Variants in E2F5 observed in about 807,000 individuals in gnomAD.
E2F5 encodes the protein E2F transcription factor 5.
E2F5 carries 23 observed loss-of-function variants against 39.1 expected under a neutral mutation model. The observed-to-expected ratio is 0.59, with a 90% CI of 0.42 to 0.83. E2F5 has a LOEUF of 0.83. Among genes scored for constraint, E2F5 ranks in the 40% least tolerant of loss-of-function variants. E2F5 has a pLI of 0.00. For missense variants in E2F5, 365 were observed against 406.7 expected, an observed-to-expected ratio of 0.90 and a Z score of 0.88; for synonymous variants, 145 against 157.8, an observed-to-expected ratio of 0.92 and a Z score of 0.61.
At chr8:85,178,816 G>A (rs1812142177) in intron 1 of E2F5, among the ~76,000 whole-genome samples, 1 of 152,190 alleles carries the variant, frequency 6.6e-6, no homozygotes, top group Non-Finnish European at 1.5e-5. Flanking sequence ...TAGCCCAAGG[G>A]GAAGTAGATC....
intron 3 of E2F5, among the ~76,000 whole-genome samples, chr8:85,204,381 G>A (rs1812757440): frequency 6.6e-6 from 1 of 150,934 alleles, no homozygotes. Context: ...ATGGGCTCAT[G>A]TCCTTTTTAG....
intron 3 of E2F5, among the ~76,000 whole-genome samples, chr8:85,205,647 C>T (rs1812788547): frequency 6.6e-6 from 1 of 152,184 alleles, no homozygotes. Flanking sequence ...TCCCCTTGCT[C>T]CTGTCTTCTG....
intron 1 of E2F5, among the ~76,000 whole-genome samples, chr8:85,190,150 G>A (rs536758508): frequency 2.9e-4 from 44 of 152,114 alleles, no homozygotes; most frequent in Non-Finnish European, 5.6e-4. Context: ...CTCACTGACT[G>A]TCTTTCAGCA....
At chr8:85,198,778 G>A (rs561907564) in intron 1 of E2F5, among the ~76,000 whole-genome samples, 2 of 152,156 alleles carry the variant, frequency 1.3e-5, no homozygotes. Flanking sequence ...TCCATCTTGT[G>A]GTATAAACTG....
chr8:85,206,041 C>CT, intron 3 of E2F5, 136 bp from the exon 4 acceptor site: 2 of 763,358 alleles, frequency 2.6e-6, no homozygotes, highest in African/African-American at 1.8e-5. Flanking sequence ...GACTAGACTT[C>CT]TTTTTTTGTC....
intron 1 of E2F5, among the ~76,000 whole-genome samples, chr8:85,180,525 T>C (rs1443902086): frequency 1.3e-3 from 13 of 9,782 alleles, no homozygotes; most frequent in Non-Finnish European, 3.0e-3. Context: ...TATATATATA[T>C]ATATATATAT....
chr8:85,181,711 G>C (rs1055898123), intron 1 of E2F5, among the ~76,000 whole-genome samples: 6 of 150,064 alleles, frequency 4.0e-5, no homozygotes, highest in African/African-American at 1.5e-4. Flanking sequence ...TGTAATCCCA[G>C]CACTTTGAGA....
At chr8:85,208,142 AAC>A (rs1452623486) in intron 5 of E2F5, among the ~76,000 whole-genome samples, 5 of 152,188 alleles carry the variant, frequency 3.3e-5, no homozygotes, top group Non-Finnish European at 7.4e-5. Context: ...CAGCCTGACC[AAC>A]ATGGTGAAAC....
At position 85,214,165 on chromosome 8, in the gene E2F5, A is replaced by G. The variant is rs2129785884; in HGVS notation, c.*303A>G. ...TTCTGTTTTTTCTTCTTAAGGAGGA[A>G]AGTTAAAGGACACTACAGGTCATCA... On this transcript the variant is annotated 3_prime_UTR_variant, in exon 8 of 8. Coordinates refer to ENST00000416274, the MANE Select transcript of E2F5 (RefSeq NM_001951.4). The G allele has an allele frequency of 1.9e-6, 1 of 535,852 alleles. No homozygotes were observed. Among genetic ancestry groups the G allele is most frequent in the East Asian group, 4.7e-5 (1 of 21,124 alleles). The allele number at this position is 535,852 out of a possible 1,614,324, so 33.2% of individuals were successfully genotyped here.
chr8:85,212,258 TTA>T, intron 7 of E2F5, 54 bp downstream of exon 7: 1 of 1,267,872 alleles, frequency 7.9e-7, no homozygotes, highest in Non-Finnish European at 1.1e-6. Flanking sequence ...TCTGTGGAAT[TTA>T]TAAGTGAAAC....
rs1196780682 is a variant in E2F5, at chr8:85,214,296, T to G, written c.*434T>G. 1 of 579,328 alleles carries G rather than the reference T, an allele frequency of 1.7e-6. No individual in the cohort carries two copies. Among genetic ancestry groups the G allele is most frequent in the Non-Finnish European group, 3.1e-6 (1 of 318,700 alleles). 35.9% of individuals were successfully genotyped at this position (579,328 alleles called of 1,614,324 possible). Reference sequence around the variant, plus strand: ...ATCCAAACAGACGTTCACTGCCACTTGTAAAGTGAAGGATGTAAACGAGGA... The same window carrying G: ...ATCCAAACAGACGTTCACTGCCACTGGTAAAGTGAAGGATGTAAACGAGGA... On this transcript the variant is annotated 3_prime_UTR_variant, in exon 8 of 8. Coordinates refer to ENST00000416274, the MANE Select transcript of E2F5 (RefSeq NM_001951.4).
chr8:85,201,361 T>C (rs1464227283), intron 1 of E2F5, among the ~76,000 whole-genome samples: 2 of 152,368 alleles, frequency 1.3e-5, no homozygotes, highest in East Asian at 3.9e-4. Flanking sequence ...ACATTCAAAA[T>C]AGGCTATTGT....
intron 5 of E2F5, among the ~76,000 whole-genome samples, chr8:85,208,114 A>T (rs937901045): frequency 5.9e-5 from 9 of 152,188 alleles, no homozygotes; most frequent in African/African-American, 2.2e-4. Context: ...GGATCACTTG[A>T]GGTCAGGAGT....
At position 85,214,189 on chromosome 8, in the gene E2F5, CA is replaced by C; in HGVS notation, c.*332del. The stretch of plus-strand genomic sequence containing the variant: ...AAAGTTAAAGGACACTACAGGTCAT[CA>C]AAAACAAGTTGGCCAAGGACTCATT... On this transcript the variant is annotated 3_prime_UTR_variant, in exon 8 of 8. Coordinates refer to ENST00000416274, the MANE Select transcript of E2F5 (RefSeq NM_001951.4). The C allele has an allele frequency of 5.6e-6, 3 of 536,580 alleles. No individual in the cohort carries two copies. The highest frequency in any genetic ancestry group is 2.9e-4 in the Middle Eastern group (1 of 3,484). 33.2% of individuals were successfully genotyped at this position (536,580 alleles called of 1,614,324 possible). A position where few individuals can be genotyped will look rare whatever the true frequency, so the allele number is the denominator to read the frequency against.
intron 1 of E2F5, among the ~76,000 whole-genome samples, chr8:85,185,557 A>G (rs878890914): frequency 6.6e-6 from 1 of 152,250 alleles, no homozygotes; most frequent in Non-Finnish European, 1.5e-5. Context: ...AAAAGAAACT[A>G]TCATCAGAAT....
intron 1 of E2F5, among the ~76,000 whole-genome samples, chr8:85,180,543 T>TAC (rs1353404027): frequency 2.6e-5 from 3 of 116,886 alleles, no homozygotes; most frequent in Non-Finnish European, 5.4e-5. Flanking sequence ...TATATATATA[T>TAC]ATATATATAT....
chr8:85,209,373 G>C lies in E2F5; in HGVS notation c.847G>C (p.Ala283Pro), dbSNP rs999409872. ...GCAACATGTCTCTGAAAGAAGCCAG[G>C]CTCTGCAGCAGACATCAGCTACAGA... ...PEQHVSERSQ[A>P]LQQTSATDIS... The change falls in exon 6 of 8, where the codon GCT (alanine) becomes CCT (proline). Residue 283 changes from alanine to proline, a missense_variant. By Grantham distance (27) the Ala-to-Pro change is conservative. Transcript: ENST00000416274. The C allele has an allele frequency of 6.2e-7, 1 of 1,613,324 alleles. No individual in the cohort carries two copies. The highest frequency in any genetic ancestry group is 1.1e-5 in the South Asian group (1 of 90,988).
In E2F5 at chr8:85,204,639, A is replaced by G. The variant is rs191135473; in HGVS notation, c.506+1384A>G. Among the ~76,000 whole-genome samples the G allele has an allele frequency of 2.1e-3, 318 of 151,974 alleles. 3 individuals are homozygous for G. Among genetic ancestry groups the G allele is most frequent in the African/African-American group, 7.1e-3 (294 of 41,430 alleles). ...GCACGCCAACATGGCACATGTATAC[A>G]TATGTAACAAACCTGCACGTTGTGC... On this transcript the variant is annotated intron_variant, in intron 3 of 7. Coordinates refer to ENST00000416274, the MANE Select transcript of E2F5 (RefSeq NM_001951.4).
intron 1 of E2F5, 23 bp downstream of exon 1, chr8:85,177,677 G>T (rs779084888): frequency 7.9e-7 from 1 of 1,265,440 alleles, no homozygotes; most frequent in African/African-American, 1.5e-5. Context: ...GGCGGGGACG[G>T]GGGCGGACTT....
Sources: allele counts gnomAD v4.1 joint callset (sites outside exome capture counted in the v4.1 genomes callset), GRCh38; gene constraint gnomAD v4.1.1; transcripts MANE v1.5; gene names NCBI Gene and HGNC (gene_info 2026-07-23, HGNC 2026-07-21).